Variants in PCDHGB3 observed in about 807,000 individuals in gnomAD.
PCDHGB3 encodes protocadherin gamma-B3.
A neutral mutation model predicts 59.2 loss-of-function variants in PCDHGB3; 40 were observed. The observed-to-expected ratio is 0.68, with a 90% CI of 0.52 to 0.88. The LOEUF (loss-of-function observed/expected upper bound fraction) is 0.88. PCDHGB3 is among the 40% of genes least tolerant of loss of function. The pLI is 0.00. For missense variants in PCDHGB3, 1,309 were observed against 1,187.9 expected (o/e 1.10, Z -1.50); for synonymous variants, 581 against 503.6 (o/e 1.15, Z -2.06).
intron 1 of PCDHGB3, chr5:141,403,322 A>G (rs1156229289): frequency 6.2e-7 from 1 of 1,613,982 alleles, no homozygotes; most frequent in Non-Finnish European, 8.5e-7. Flanking sequence ...AATAGAAGTA[A>G]CTGATATTAA....
At chr5:141,437,983 A>C (rs544812394) in intron 1 of PCDHGB3, among the ~76,000 whole-genome samples, 1 of 152,056 alleles carries the variant, frequency 6.6e-6, no homozygotes, top group Admixed American at 6.5e-5. Context: ...GGATGCACCC[A>C]CCCCACCTCA....
chr5:141,463,308 A>G (rs1233755540), intron 1 of PCDHGB3, among the ~76,000 whole-genome samples: 1 of 151,660 alleles, frequency 6.6e-6, no homozygotes, highest in Admixed American at 6.6e-5. Context: ...CCAAACTCTA[A>G]TATCTATTCC....
At position 141,376,592 on chromosome 5, in the gene PCDHGB3, C is replaced by T. The variant is rs373550079; in HGVS notation, c.2415+3783C>T. 8 of 1,565,128 alleles carry T rather than the reference C, an allele frequency of 5.1e-6. No individual in the cohort carries two copies. In the East Asian group the frequency reaches 1.4e-4, roughly 27 times the overall value. On this transcript the variant is annotated intron_variant, in intron 1 of 3. Coordinates refer to ENST00000576222, the MANE Select transcript of PCDHGB3 (RefSeq NM_018924.5). ...CAGACAGGCTCATCAGCTAGATCGG[C>T]TGTTATAGAAGCGAACCTCTTTTGG...
At chr5:141,449,198 A>C (rs2098631518) in intron 1 of PCDHGB3, among the ~76,000 whole-genome samples, 1 of 152,188 alleles carries the variant, frequency 6.6e-6, no homozygotes, top group Non-Finnish European at 1.5e-5. Context: ...AAGAAGTGTT[A>C]ATTCTAACTT....
Position 141,490,397 on chromosome 5 carries a change from G to A in PCDHGB3, c.2416-4410G>A. 6.2e-7 allele frequency: 1 copy of A among 1,614,170 alleles called. No individual in the cohort carries two copies. Among genetic ancestry groups the A allele is most frequent in the South Asian group, 1.1e-5 (1 of 91,080 alleles). On this transcript the variant is annotated intron_variant, in intron 1 of 3. Coordinates refer to ENST00000576222, the MANE Select transcript of PCDHGB3 (RefSeq NM_018924.5). This position sits in a 1 kb window ranked among gnomAD's most constrained non-coding sequence, Gnocchi z 5.4. ...GACTCAGGTAGAAATGGTGAAGTGA[G>A]CCTTGATATCTCTCCGGACCTGCCA...
intron 1 of PCDHGB3, among the ~76,000 whole-genome samples, chr5:141,448,796 T>G (rs1268643310): frequency 1.0e-4 from 15 of 150,106 alleles, no homozygotes; most frequent in Admixed American, 4.0e-4. Context: ...AAAAAAAAAA[T>G]TAGCCAGGCG....
chr5:141,406,796 T>C (rs1010773625), intron 1 of PCDHGB3, among the ~76,000 whole-genome samples: 7 of 152,362 alleles, frequency 4.6e-5, no homozygotes, highest in Admixed American at 1.3e-4. Flanking sequence ...TATTTCTGGC[T>C]CAATTCTCCA....
rs771356119 is a variant in PCDHGB3 at position 141,385,251 on chromosome 5, C to G, written c.2415+12442C>G. Reference sequence around the variant, plus strand: ...TAGACATGCTCATCAGCCAGGAGAGCTGTGAGAAAAATGATTCTTTGCTAA... The same window carrying G: ...TAGACATGCTCATCAGCCAGGAGAGGTGTGAGAAAAATGATTCTTTGCTAA... On this transcript the variant is annotated intron_variant, in intron 1 of 3. Coordinates refer to ENST00000576222, the MANE Select transcript of PCDHGB3 (RefSeq NM_018924.5). The G allele has an allele frequency of 1.2e-5, 19 of 1,613,660 alleles. No individual in the cohort carries two copies. The Admixed American group carries it at 1.8e-4, about 16-fold the overall frequency.
At position 141,491,251 on chromosome 5, in the gene PCDHGB3, C is replaced by A; in HGVS notation, c.2416-3556C>A. On this transcript the variant is annotated intron_variant, in intron 1 of 3. Coordinates refer to ENST00000576222, the MANE Select transcript of PCDHGB3 (RefSeq NM_018924.5). This position sits in a 1 kb window ranked among gnomAD's most constrained non-coding sequence, Gnocchi z 6.9. ...GCTGCTGGTTCTGGAGGATGAGGAC[C>A]CTGAGGAAATGCCCAAATCCAGTGA... 6.2e-7 allele frequency: 1 copy of A among 1,614,144 alleles called. No homozygotes were observed. Among genetic ancestry groups the A allele is most frequent in the Non-Finnish European group, 8.5e-7 (1 of 1,180,016 alleles).
At chr5:141,380,669 G>C (rs1434222643) in intron 1 of PCDHGB3, among the ~76,000 whole-genome samples, 1 of 152,174 alleles carries the variant, frequency 6.6e-6, no homozygotes, top group Non-Finnish European at 1.5e-5. Flanking sequence ...TTACTCCATA[G>C]GGTATGTATG....
At position 141,477,681 on chromosome 5, in the gene PCDHGB3, T is replaced by C; in HGVS notation, c.2416-17126T>C. On this transcript the variant is annotated intron_variant, in intron 1 of 3. Coordinates refer to ENST00000576222, the MANE Select transcript of PCDHGB3 (RefSeq NM_018924.5). The surrounding 1 kb of genome is among the most constrained non-coding windows in gnomAD (Gnocchi z 4.9). The stretch of plus-strand genomic sequence containing the variant: ...CGTGACAATGGCATAGTGTCATCCT[T>C]AGTGCCCCTAGACTATGAGGATCGG... 6.2e-7 allele frequency: 1 copy of C among 1,614,180 alleles called. No individual in the cohort carries two copies. The highest frequency in any genetic ancestry group is 8.5e-7 in the Non-Finnish European group (1 of 1,180,046).
chr5:141,388,843 G>C (rs750672396), intron 1 of PCDHGB3: 1 of 1,614,002 alleles, frequency 6.2e-7, no homozygotes, highest in Admixed American at 1.7e-5. Flanking sequence ...TTGGAAGCAA[G>C]GGACGGTGGA....
chr5:141,481,434 A>C (rs1374254063), intron 1 of PCDHGB3, among the ~76,000 whole-genome samples: 1 of 152,256 alleles, frequency 6.6e-6, no homozygotes, highest in East Asian at 1.9e-4. Context: ...TGATTGTATC[A>C]GTTTAGTACA....
chr5:141,457,466 A>C (rs1404739941), intron 1 of PCDHGB3, among the ~76,000 whole-genome samples: 1 of 152,356 alleles, frequency 6.6e-6, no homozygotes, highest in East Asian at 1.9e-4. Context: ...ATTCACAGGA[A>C]TAAGCAGGGC....
intron 1 of PCDHGB3, chr5:141,422,727 G>T (rs373180311): frequency 6.3e-5 from 102 of 1,606,434 alleles, no homozygotes; most frequent in Non-Finnish European, 2.0e-5. Context: ...TCCAGGGGGT[G>T]CCTCTGTCCT....
At chr5:141,403,094 A>G in intron 1 of PCDHGB3, 1 of 1,614,064 alleles carries the variant, frequency 6.2e-7, no homozygotes, top group Non-Finnish European at 8.5e-7. Flanking sequence ...TGTGGGCAAC[A>G]TCTCCAAGGA....
chr5:141,409,647 G>A, intron 1 of PCDHGB3: 2 of 1,613,668 alleles, frequency 1.2e-6, no homozygotes, highest in Non-Finnish European at 1.7e-6. Context: ...CCGGATTTGG[G>A]GCTCAATGGC....
At chr5:141,388,706 TGCC>T (rs2091460898) in intron 1 of PCDHGB3, 2 of 1,613,856 alleles carry the variant, frequency 1.2e-6, no homozygotes, top group Non-Finnish European at 1.7e-6. Flanking sequence ...AGGGTGTCAA[TGCC>T]GAGATTACTT....
At position 141,490,645 on chromosome 5, in the gene PCDHGB3, C is replaced by G; in HGVS notation, c.2416-4162C>G. ...TGCTTACATCCTAGAAAACCGGCCTCCGGGCTCCCTTCTTTGCACTGTGGC... is the reference window on the plus strand; with the variant it reads ...TGCTTACATCCTAGAAAACCGGCCTGCGGGCTCCCTTCTTTGCACTGTGGC... On this transcript the variant is annotated intron_variant, in intron 1 of 3. Transcript: ENST00000576222. The surrounding 1 kb of genome is among the most constrained non-coding windows in gnomAD (Gnocchi z 5.4). 6.2e-7 allele frequency: 1 copy of G among 1,614,220 alleles called. No homozygotes were observed. Among genetic ancestry groups the G allele is most frequent in the Non-Finnish European group, 8.5e-7 (1 of 1,180,022 alleles).
Sources: gnomAD v4.1 joint callset for allele counts (sites outside exome capture counted in the v4.1 genomes callset) on GRCh38, gnomAD v4.1.1 for gene constraint, Gnocchi (gnomAD v3.1) non-coding constraint, MANE v1.5 for transcripts, NCBI Gene and HGNC (gene_info 2026-07-23, HGNC 2026-07-21) for gene names.